The following PECAM1 variants were observed in gnomAD, a reference collection of about 807,000 sequenced individuals.
PECAM1 encodes platelet and endothelial cell adhesion molecule 1, also known as platelet endothelial cell adhesion molecule.
PECAM1 carries 8 observed loss-of-function variants against 13.8 expected under a neutral mutation model. The observed-to-expected ratio is 0.58, with a 90% CI of 0.34 to 1.05. The LOEUF is 1.05. PECAM1 is among the 50% of genes least tolerant of loss of function. The pLI is 0.03. For missense variants in PECAM1, 304 were observed against 141.2 expected (o/e 2.15, Z -5.84); for synonymous variants, 136 against 52.6 (o/e 2.58, Z -6.86).
intron 15 of PECAM1, among the ~76,000 whole-genome samples, chr17:64,325,319 C>T (rs1352870650): frequency 2.0e-5 from 3 of 151,890 alleles, no homozygotes; most frequent in Non-Finnish European, 4.4e-5. Context: ...ACCCGGGAGG[C>T]GGAGCTTGCA....
In PECAM1 at chr17:64,322,941, A is replaced by G. The variant is rs2034842724; in HGVS notation, c.*875T>C. The stretch of plus-strand genomic sequence containing the variant: ...AGGCTGGTCTCAAACTCCTGACCTC[A>G]GGTGATCCGCCCACCTCAGCCTCCT... On this transcript the variant is annotated 3_prime_UTR_variant, in exon 16 of 16. Coordinates refer to ENST00000563924, the MANE Select transcript of PECAM1 (RefSeq NM_000442.5). 1.3e-5 allele frequency: 7 copies of G among 549,014 alleles called. No homozygotes were observed. The South Asian group carries it at 5.5e-4, about 43-fold the overall frequency. 34.0% of individuals were successfully genotyped at this position (549,014 alleles called of 1,614,324 possible). A position where few individuals can be genotyped will look rare whatever the true frequency, so the allele number is the denominator to read the frequency against.
chr17:64,333,485 A>G (rs2035182898), intron 14 of PECAM1, among the ~76,000 whole-genome samples: 1 of 151,972 alleles, frequency 6.6e-6, no homozygotes, highest in African/African-American at 2.4e-5. Flanking sequence ...TGTCCTGTGC[A>G]TTGTCGCATG....
Position 64,319,478 on chromosome 17 carries a change from C to T in PECAM1, c.*4338G>A, listed in dbSNP as rs2034781639. 1 of 152,204 alleles carries T rather than the reference C, an allele frequency of 6.6e-6. No homozygotes were observed. Among genetic ancestry groups the T allele is most frequent in the Non-Finnish European group, 1.5e-5 (1 of 68,040 alleles). The allele number at this position is 152,204 out of a possible 1,614,324, so 9.4% of individuals were successfully genotyped here. A position where few individuals can be genotyped will look rare whatever the true frequency, so the allele number is the denominator to read the frequency against. ...AGCAGGAACAAAAGGAAGTACACTA[C>T]ACTTGGGTCAGGCAGGCAACTTGAG... On this transcript the variant is annotated 3_prime_UTR_variant, in exon 16 of 16. Coordinates refer to ENST00000563924, the MANE Select transcript of PECAM1 (RefSeq NM_000442.5).
chr17:64,368,958 A>T (rs1393475567), intron 5 of PECAM1, among the ~76,000 whole-genome samples: 1 of 58,842 alleles, frequency 1.7e-5, no homozygotes, highest in Non-Finnish European at 2.8e-5. Context: ...TTTTTTTGAG[A>T]CAGAGTCTCA....
rs1471341998 is a variant in PECAM1 at position 64,363,348 on chromosome 17, T to C, written c.1017A>G (p.Gln339=). ...ELESSFTHLD[Q]GERLNLSCSI... is the part of the protein sequence containing the mutation. Reference sequence around the variant, plus strand: ...AGCAGGACAGGTTCAGTCTTTCACCTTGGTCCAGATGTGTGAAGGAAGATT... The same window carrying C: ...AGCAGGACAGGTTCAGTCTTTCACCCTGGTCCAGATGTGTGAAGGAAGATT... The change falls in exon 6 of 16, where the codon CAA becomes CAG. Residue 339 remains glutamine (Q), a synonymous_variant. Coordinates refer to ENST00000563924, the MANE Select transcript of PECAM1 (RefSeq NM_000442.5). The C allele has an allele frequency of 1.7e-5, 8 of 475,280 alleles. No homozygotes were observed. The East Asian group carries it at 2.5e-4, about 15-fold the overall frequency. The allele number at this position is 475,280 out of a possible 1,614,324, so 29.4% of individuals were successfully genotyped here.
chr17:64,377,870 C>T lies in PECAM1; in HGVS notation c.339G>A (p.Val113=). The change falls in exon 3 of 16, where the codon GTG becomes GTA. Residue 113 remains valine, a synonymous_variant. Coordinates refer to ENST00000563924, the MANE Select transcript of PECAM1 (RefSeq NM_000442.5). ...CTGCAGTGGTTTTCTCTTTGTTGTT[C>T]ACAATCACAGTACATTTATATGTCC... ...DSGTYKCTVI[V]NNKEKTTAEY... 1 of 475,274 alleles carries T rather than the reference C, an allele frequency of 2.1e-6. No homozygotes were observed. The allele number at this position is 475,274 out of a possible 1,614,324, so 29.4% of individuals were successfully genotyped here. A position where few individuals can be genotyped will look rare whatever the true frequency, so the allele number is the denominator to read the frequency against.
chr17:64,384,516 C>G (rs2036551471), intron 2 of PECAM1, among the ~76,000 whole-genome samples: 1 of 152,230 alleles, frequency 6.6e-6, no homozygotes, highest in South Asian at 2.1e-4. Flanking sequence ...CCTGATCACT[C>G]TCTCTCCTGT....
At chr17:64,357,438 G>A (rs932799239) in intron 7 of PECAM1, among the ~76,000 whole-genome samples, 6 of 152,242 alleles carry the variant, frequency 3.9e-5, no homozygotes, top group Middle Eastern at 3.4e-3. Flanking sequence ...TCCTGTATCC[G>A]CTTTTCCTAG....
intron 4 of PECAM1, 54 bp downstream of exon 4, chr17:64,374,997 C>T (rs939321070): frequency 5.2e-5 from 24 of 458,664 alleles, no homozygotes; most frequent in Middle Eastern, 6.1e-4. Flanking sequence ...TTCTTTCTCC[C>T]CATACCAAAC....
intron 2 of PECAM1, among the ~76,000 whole-genome samples, chr17:64,385,709 G>A (rs1279077832): frequency 2.6e-5 from 4 of 152,172 alleles, no homozygotes; most frequent in Non-Finnish European, 5.9e-5. Flanking sequence ...AGCACCAAGA[G>A]GAAGGGCTGC....
At chr17:64,339,169 C>T (rs1290931610) in intron 14 of PECAM1, among the ~76,000 whole-genome samples, 5 of 152,128 alleles carry the variant, frequency 3.3e-5, no homozygotes, top group East Asian at 1.9e-4. Context: ...CCTCCTGCAG[C>T]GAGGATCCCT....
At chr17:64,364,009 C>T (rs2036045497) in intron 5 of PECAM1, among the ~76,000 whole-genome samples, 2 of 151,944 alleles carry the variant, frequency 1.3e-5, no homozygotes, top group South Asian at 4.1e-4. Context: ...CACAAAAAAC[C>T]CTTCAAAAAA....
intron 5 of PECAM1, among the ~76,000 whole-genome samples, chr17:64,368,934 T>TC (rs2036174730): frequency 3.9e-5 from 4 of 103,364 alleles, no homozygotes; most frequent in Admixed American, 8.9e-5. Flanking sequence ...GTCATTTCTT[T>TC]TTTTTTTTTT....
At position 64,354,981 on chromosome 17, in the gene PECAM1, C is replaced by A; in HGVS notation, c.1840G>T (p.Ala614Ser). Reference protein sequence around the residue: ...IAVVIIGVIIALLIIAAKCYF... With the variant: ...IAVVIIGVIISLLIIAAKCYF... ...CATTTGGCCGCAATGATCAAGAGAG[C>A]AATGATCACTCCGATGATAACCACT... Residue 614 changes from alanine to serine, a missense_variant, in exon 9 of 16, where the codon GCT becomes TCT. Physicochemically the swap from Ala to Ser is moderately conservative, Grantham distance 99. Coordinates refer to ENST00000563924, the MANE Select transcript of PECAM1 (RefSeq NM_000442.5). The A allele has an allele frequency of 4.2e-6, 2 of 475,358 alleles. No homozygotes were observed. The highest frequency in any genetic ancestry group is 3.1e-5 in the East Asian group (1 of 32,046). The allele number at this position is 475,358 out of a possible 1,614,324, so 29.4% of individuals were successfully genotyped here.
rs1009556607 is a variant in PECAM1 at position 64,357,209 on chromosome 17, C to T, written c.1493-811G>A. On this transcript the variant is annotated intron_variant, in intron 7 of 15. Coordinates refer to ENST00000563924, the MANE Select transcript of PECAM1 (RefSeq NM_000442.5). Reference sequence around the variant, plus strand: ...TCTTTGTTTTCCCCGGAAGTATGAACATTTTGCAAAATTCAATCCTCAGTT... The same window carrying T: ...TCTTTGTTTTCCCCGGAAGTATGAATATTTTGCAAAATTCAATCCTCAGTT... 1.2e-3 allele frequency among the ~76,000 whole-genome samples: 184 copies of T among 152,274 alleles called. 2 individuals are homozygous for T. Among genetic ancestry groups the T allele is most frequent in the African/African-American group, 4.1e-3 (169 of 41,542 alleles).
chr17:64,347,375 A>G (rs2035595074), intron 13 of PECAM1, among the ~76,000 whole-genome samples: 1 of 150,710 alleles, frequency 6.6e-6, no homozygotes, highest in African/African-American at 2.4e-5. Context: ...AAAAAAAAAT[A>G]AATAAATTAG....
chr17:64,352,687 C>A (rs1245939586), intron 10 of PECAM1, among the ~76,000 whole-genome samples: 1 of 151,202 alleles, frequency 6.6e-6, no homozygotes, highest in Non-Finnish European at 1.5e-5. Context: ...CAGAGTCTCG[C>A]TCTGTCACCC....
intron 14 of PECAM1, among the ~76,000 whole-genome samples, chr17:64,338,567 A>AT (rs11377907): frequency 6.6e-6 from 1 of 151,166 alleles, no homozygotes; most frequent in Non-Finnish European, 1.5e-5. Context: ...ATTTATTTTT[A>AT]TTTTTTTGAG....
chr17:64,359,556 T>C (rs1045297229), intron 7 of PECAM1, among the ~76,000 whole-genome samples: 17 of 152,226 alleles, frequency 1.1e-4, no homozygotes, highest in Non-Finnish European at 2.2e-4. Context: ...GGAGCCCATA[T>C]GCACAACTTC....
Sources: gnomAD v4.1 joint callset for allele counts (sites outside exome capture counted in the v4.1 genomes callset) on GRCh38, gnomAD v4.1.1 for gene constraint, MANE v1.5 for transcripts, NCBI Gene and HGNC (gene_info 2026-07-23, HGNC 2026-07-21) for gene names.